CHAT: variants seen among roughly 807,000 people sequenced by gnomAD.
CHAT encodes choline O-acetyltransferase.
In CHAT, 61 loss-of-function variants were observed where a neutral mutation model predicts 76.9. The observed-to-expected ratio is 0.79, with a 90% CI of 0.65 to 0.98. The LOEUF (loss-of-function observed/expected upper bound fraction) is 0.98. Among genes scored for constraint, CHAT ranks in the 50% least tolerant of loss-of-function variants. The pLI is 0.00. For missense variants in CHAT, 946 were observed against 986.9 expected, an observed-to-expected ratio of 0.96 and a Z score of 0.56; for synonymous variants, 407 against 397.4, an observed-to-expected ratio of 1.02 and a Z score of -0.29.
chr10:49,622,217 A>G, intron 5 of CHAT, 67 bp downstream of exon 5: 2 of 1,533,334 alleles, frequency 1.3e-6, no homozygotes, highest in Non-Finnish European at 1.8e-6. Flanking sequence ...CCTTGCAGGG[A>G]CCTTGTCTTT....
Position 49,662,735 on chromosome 10 carries a change from G to A in CHAT, c.1930G>A (p.Asp644Asn). The A allele has an allele frequency of 6.2e-7, 1 of 1,614,224 alleles. No individual in the cohort carries two copies. The highest frequency in any genetic ancestry group is 1.1e-5 in the South Asian group (1 of 91,084). Residue 644 changes from aspartate to asparagine, a missense_variant, in exon 14 of 15, where the codon GAT becomes AAT. By Grantham distance (23) the Asp-to-Asn change is conservative. This residue lies in a region of CHAT where 349 missense variants were observed against 393.9 expected (regional missense o/e 0.89). Coordinates refer to ENST00000337653, the MANE Select transcript of CHAT (RefSeq NM_020549.5). Reference protein sequence around the residue: ...MCKELPEMFMDETYLMSNRFV... With the variant: ...MCKELPEMFMNETYLMSNRFV... The stretch of plus-strand genomic sequence containing the variant: ...CAAGGAGCTGCCCGAGATGTTCATG[G>A]ATGAAACCTACCTGATGAGCAACCG...
At chr10:49,620,676 C>G in intron 4 of CHAT, 63 bp downstream of exon 4, 1 of 1,317,148 alleles carries the variant, frequency 7.6e-7, no homozygotes, top group East Asian at 2.3e-5. Context: ...GCCCTTACCC[C>G]AGTGCCAGCA....
At chr10:49,611,988 C>G (rs374465426), upstream of CHAT, 44 of 1,613,794 alleles carry the variant, frequency 2.7e-5, no homozygotes, top group African/African-American at 5.9e-4. Flanking sequence ...ATGTCTCAGT[C>G]TATGGCAGCG....
chr10:49,631,157 G>A (rs1023816348), intron 7 of CHAT, among the ~76,000 whole-genome samples: 4 of 152,206 alleles, frequency 2.6e-5, no homozygotes, highest in African/African-American at 9.7e-5. Context: ...AATCTGAGCT[G>A]AGTAAGGAAG....
chr10:49,651,815 C>T (rs1174306273), intron 10 of CHAT, 69 bp from the exon 11 acceptor site: 27 of 1,525,358 alleles, frequency 1.8e-5, no homozygotes, highest in South Asian at 5.9e-5. Context: ...TCTAGAAGCC[C>T]GGGGAAACCC....
At chr10:49,634,131 C>T (rs968079218) in intron 7 of CHAT, among the ~76,000 whole-genome samples, 4 of 152,218 alleles carry the variant, frequency 2.6e-5, no homozygotes, top group African/African-American at 4.8e-5. Flanking sequence ...CCAATGCCTC[C>T]CTCCTTCAGT....
rs560754462 is a variant in CHAT at position 49,626,613 on chromosome 10, T to G, written c.933+960T>G. Among the ~76,000 whole-genome samples the G allele has an allele frequency of 6.5e-4, 99 of 152,240 alleles. 2 individuals carry two copies. The South Asian group carries it at 0.019, about 30-fold the overall frequency. The stretch of plus-strand genomic sequence containing the variant: ...GCCATAGACCAAGGACGTTTCCCCA[T>G]CTTCATTCAAAAGTCAAGCCAAGTA... On this transcript the variant is annotated intron_variant, in intron 6 of 14. Transcript: ENST00000337653.
intron 8 of CHAT, among the ~76,000 whole-genome samples, 154 bp downstream of exon 8, chr10:49,646,828 G>T (rs1839686245): frequency 6.6e-6 from 1 of 152,210 alleles, no homozygotes; most frequent in Admixed American, 6.5e-5. Flanking sequence ...TGGGTCTGAG[G>T]GGTCAGGAGA....
At chr10:49,632,061 C>A (rs1008628949) in intron 7 of CHAT, among the ~76,000 whole-genome samples, 9 of 152,098 alleles carry the variant, frequency 5.9e-5, no homozygotes, top group African/African-American at 2.2e-4. Context: ...AAGCTGTCTA[C>A]CCCACCTGGC....
At chr10:49,635,068 C>T (rs935179824) in intron 7 of CHAT, among the ~76,000 whole-genome samples, 2 of 152,174 alleles carry the variant, frequency 1.3e-5, no homozygotes, top group Non-Finnish European at 2.9e-5. Context: ...CCTCTTGCTG[C>T]CCTTTTATAA....
At chr10:49,649,764 C>T (rs1314199532) in intron 10 of CHAT, 128 bp downstream of exon 10, 7 of 934,178 alleles carry the variant, frequency 7.5e-6, no homozygotes, top group African/African-American at 3.3e-5. Flanking sequence ...GGCTCCACCT[C>T]GTCCCCATCC....
At position 49,620,479 on chromosome 10, in the gene CHAT, C is replaced by T; in HGVS notation, c.580-16C>T. The T allele has an allele frequency of 6.3e-7, 1 of 1,591,732 alleles. No individual in the cohort carries two copies. Among genetic ancestry groups the T allele is most frequent in the South Asian group, 1.1e-5 (1 of 90,614 alleles). ...GTTTGGGGGGATGTGACGGCCTTCC[C>T]TGCCCTCCCCGGCAGGTGTCTGAGT... On this transcript the variant is annotated splice_polypyrimidine_tract_variant and intron_variant, in intron 3 of 14. Coordinates refer to ENST00000337653, the MANE Select transcript of CHAT (RefSeq NM_020549.5).
chr10:49,620,527 C>T lies in CHAT; in HGVS notation c.612C>T (p.Leu204=), dbSNP rs1488503830. 1.2e-6 allele frequency: 2 copies of T among 1,613,816 alleles called. No homozygotes were observed. Among genetic ancestry groups the T allele is most frequent in the Non-Finnish European group, 8.5e-7 (1 of 1,179,826 alleles). Residue 204 remains leucine (L), a synonymous_variant, in exon 4 of 15, where the codon CTC becomes CTT. Transcript: ENST00000337653. ...VSEYWLNDMY[L]NNRLALPVNS... ...AGTACTGGCTGAATGACATGTATCT[C>T]AACAACCGCCTGGCCCTGCCTGTCA...
In CHAT at chr10:49,629,189, G is replaced by A. The variant is rs1192186891; in HGVS notation, c.1111+1404G>A. Among the ~76,000 whole-genome samples the A allele has an allele frequency of 2.0e-5, 3 of 152,240 alleles. 1 individual carries two copies. Among genetic ancestry groups the A allele is most frequent in the Non-Finnish European group, 1.5e-5 (1 of 68,046 alleles). On this transcript the variant is annotated intron_variant, in intron 7 of 14. Coordinates refer to ENST00000337653, the MANE Select transcript of CHAT (RefSeq NM_020549.5). ...TGCCTATAAGGTCAGAAGGACAGGG[G>A]CCTTGTCTGTTTGGTTTAATTTCTG... is the stretch of plus-strand genomic sequence containing the variant.
At chr10:49,621,306 G>A (rs1215207024) in intron 4 of CHAT, among the ~76,000 whole-genome samples, 1 of 152,132 alleles carries the variant, frequency 6.6e-6, no homozygotes, top group Non-Finnish European at 1.5e-5. Flanking sequence ...ATGCTAGGAA[G>A]ACCTCCCCAC....
chr10:49,644,161 G>A (rs956397016), intron 7 of CHAT, among the ~76,000 whole-genome samples: 2 of 152,196 alleles, frequency 1.3e-5, no homozygotes, highest in Non-Finnish European at 2.9e-5. Context: ...GGGAGCTCAG[G>A]GAGGGCTGTC....
chr10:49,651,855 TA>T, intron 10 of CHAT, 28 bp from the exon 11 acceptor site: 1 of 1,607,154 alleles, frequency 6.2e-7, no homozygotes, highest in Non-Finnish European at 8.5e-7. Flanking sequence ...TTGCATGCAA[TA>T]AAAACATCTT....
chr10:49,624,202 A>G (rs748966890), intron 5 of CHAT, among the ~76,000 whole-genome samples: 44 of 152,212 alleles, frequency 2.9e-4, no homozygotes, highest in South Asian at 2.1e-4. Context: ...CTGGGGAAGA[A>G]CCAATATATT....
intron 5 of CHAT, among the ~76,000 whole-genome samples, chr10:49,624,121 G>T (rs1838831661): frequency 6.6e-6 from 1 of 152,160 alleles, no homozygotes; most frequent in Non-Finnish European, 1.5e-5. Flanking sequence ...CCACCTCTCT[G>T]GCCCTGTCTT....
Sources: allele counts gnomAD v4.1 joint callset (sites outside exome capture counted in the v4.1 genomes callset), GRCh38; gene constraint gnomAD v4.1.1; regional missense constraint gnomAD v4.1.1; transcripts MANE v1.5; gene names NCBI Gene and HGNC (gene_info 2026-07-23, HGNC 2026-07-21).